The following SYNE1 variants were observed in gnomAD, a reference collection of about 807,000 sequenced individuals.
SYNE1 encodes nesprin-1.
SYNE1 carries 616 observed loss-of-function variants against 1,111.0 expected under a neutral mutation model. That is an observed-to-expected ratio of 0.55 (90% confidence interval 0.52 to 0.59). The LOEUF (loss-of-function observed/expected upper bound fraction) is 0.59. Among genes scored for constraint, SYNE1 ranks in the 20% least tolerant of loss-of-function variants. The pLI, the probability that SYNE1 is intolerant of heterozygous loss-of-function variation, is 0.00. For synonymous variants in SYNE1, 3,855 were observed against 3,825.8 expected, an observed-to-expected ratio of 1.01 and a Z score of -0.28; for missense variants, 10,006 against 10,417.0, an observed-to-expected ratio of 0.96 and a Z score of 1.72.
intron 104 of SYNE1, among the ~76,000 whole-genome samples, chr6:152,253,901 A>G (rs553645175): frequency 7.8e-6 from 1 of 128,840 alleles, no homozygotes; most frequent in South Asian, 2.4e-4. Flanking sequence ...CCCTAATGAC[A>G]TGTCTCTATT....
chr6:152,472,306 G>T lies in SYNE1; in HGVS notation c.1458C>A (p.Ala486=), dbSNP rs373091521. Reference sequence around the variant, plus strand: ...AAATGCAGATATTCTCTTACCTCTCGGCCATGTCCTCTAATTGATCAGGTG... The same window carrying T: ...AAATGCAGATATTCTCTTACCTCTCTGCCATGTCCTCTAATTGATCAGGTG... The part of the protein sequence containing the change: ...PVPPDQLEDM[A]ERFHFVSSTS... The change falls in exon 15 of 146, where the codon GCC becomes GCA. Residue 486 remains alanine, a synonymous_variant. Transcript: ENST00000367255. 1 of 1,611,898 alleles carries T rather than the reference G, an allele frequency of 6.2e-7. No homozygotes were observed. Among genetic ancestry groups the T allele is most frequent in the Admixed American group, 1.7e-5 (1 of 59,982 alleles).
In SYNE1 at chr6:152,321,737, T is replaced by A. The variant is rs772823120; in HGVS notation, c.16067A>T (p.Gln5356Leu). ...TTTTTGTACCTGAAGTTCTTCAAGT[T>A]GAGCATCTATTTCTATTGTTGGATT... ...LGNPTIEIDA[Q>L]LEELQILLTE... Residue 5356 changes from glutamine to leucine, a missense_variant, in exon 83 of 146, where the codon CAA becomes CTA. Physicochemically the swap from Gln to Leu is moderately radical, Grantham distance 113 (BLOSUM62 -2). Transcript: ENST00000367255. 1 of 1,614,094 alleles carries A rather than the reference T, an allele frequency of 6.2e-7. No individual in the cohort carries two copies. The highest frequency in any genetic ancestry group is 8.5e-7 in the Non-Finnish European group (1 of 1,179,974).
chr6:152,172,512 T>C (rs2065462043), intron 130 of SYNE1, among the ~76,000 whole-genome samples: 2 of 152,038 alleles, frequency 1.3e-5, no homozygotes, highest in South Asian at 2.1e-4. Context: ...CACAACAGAG[T>C]GCGCAAGTTG....
intron 77 of SYNE1, among the ~76,000 whole-genome samples, chr6:152,332,131 T>C (rs377034440): frequency 8.5e-5 from 13 of 152,236 alleles, no homozygotes; most frequent in East Asian, 3.9e-4. Context: ...TGTGCCACCA[T>C]GCTCGGCTAA....
chr6:152,239,991 G>A (rs998471924), intron 107 of SYNE1, among the ~76,000 whole-genome samples: 1 of 152,196 alleles, frequency 6.6e-6, no homozygotes, highest in Non-Finnish European at 1.5e-5. Flanking sequence ...CTGGGAGGCC[G>A]AGGTTGCAGT....
At chr6:152,361,452 T>C (rs1324682419) in intron 64 of SYNE1, among the ~76,000 whole-genome samples, 3 of 152,178 alleles carry the variant, frequency 2.0e-5, no homozygotes, top group Non-Finnish European at 4.4e-5. Context: ...GTGAAGAGGA[T>C]GGATCAGTAG....
Position 152,605,019 on chromosome 6 carries a change from AGAGAGAGAGAGAGAGAGGGAGG to A in SYNE1, c.67+23224_67+23245del, listed in dbSNP as rs1468731160. 1.8e-4 allele frequency among the ~76,000 whole-genome samples: 12 copies of A among 67,534 alleles called. 1 individual carries two copies. The highest frequency in any genetic ancestry group is 7.6e-4 in the African/African-American group (11 of 14,402). The allele number at this position is 67,534 out of a possible 152,430, so 44.3% of individuals were successfully genotyped here. On this transcript the variant is annotated intron_variant, in intron 3 of 145. Transcript: ENST00000367255. ...AAGAAAGAAAGAAAGAGAGAGAGAG[AGAGAGAGAGAGAGAGAGGGAGG>A]GAGGGAGGGAGGGAGGGAGGGAGGG... is the stretch of plus-strand genomic sequence containing the variant.
chr6:152,297,211 G>C (rs1329914824), intron 93 of SYNE1, among the ~76,000 whole-genome samples: 1 of 152,012 alleles, frequency 6.6e-6, no homozygotes, highest in African/African-American at 2.4e-5. Context: ...CAGTTGCCTG[G>C]ATGGGCCATT....
At chr6:152,122,830 C>T (rs1015866097) in intron 145 of SYNE1, among the ~76,000 whole-genome samples, 154 bp from the exon 146 acceptor site, 5 of 152,130 alleles carry the variant, frequency 3.3e-5, no homozygotes, top group African/African-American at 9.7e-5. Context: ...GCCCAGGTCA[C>T]CCCCCACCAT....
chr6:152,272,926 C>G (rs1489053508), intron 98 of SYNE1, among the ~76,000 whole-genome samples: 1 of 152,158 alleles, frequency 6.6e-6, no homozygotes, highest in Non-Finnish European at 1.5e-5. Flanking sequence ...GGGACATGAT[C>G]CTTTTCATGG....
At chr6:152,230,935 G>A (rs1010252423) in intron 114 of SYNE1, among the ~76,000 whole-genome samples, 19 of 151,168 alleles carry the variant, frequency 1.3e-4, no homozygotes, top group Non-Finnish European at 2.5e-4. Flanking sequence ...AACAATAGCC[G>A]ACGATCTAAA....
At chr6:152,530,025 T>C (rs944327086) in intron 4 of SYNE1, among the ~76,000 whole-genome samples, 2 of 152,204 alleles carry the variant, frequency 1.3e-5, no homozygotes, top group African/African-American at 4.8e-5. Flanking sequence ...TGATGTTCAC[T>C]ATAAATATAG....
At chr6:152,573,899 A>G (rs941464846) in intron 3 of SYNE1, among the ~76,000 whole-genome samples, 7 of 152,198 alleles carry the variant, frequency 4.6e-5, no homozygotes, top group African/African-American at 1.4e-4. Flanking sequence ...GATACAGCAT[A>G]ATAGCATCAA....
chr6:152,411,994 T>A (rs935142573), intron 42 of SYNE1, among the ~76,000 whole-genome samples: 1 of 152,138 alleles, frequency 6.6e-6, no homozygotes, highest in African/African-American at 2.4e-5. Flanking sequence ...CTTACGTACA[T>A]GCAAAAACTT....
intron 107 of SYNE1, among the ~76,000 whole-genome samples, chr6:152,241,506 G>GTGTGTGTGTGTGTGTGTGTC (rs1554263171): frequency 1.1e-4 from 14 of 121,892 alleles, no homozygotes; most frequent in Non-Finnish European, 2.2e-4. Flanking sequence ...AGAGCTGTGT[G>GTGTGTGTGTGTGTGTGTGTC]TGTGTGTGTG....
chr6:152,227,643 C>T (rs939915547), intron 115 of SYNE1, among the ~76,000 whole-genome samples: 2 of 152,086 alleles, frequency 1.3e-5, no homozygotes, highest in Admixed American at 1.3e-4. Flanking sequence ...AGACCAGAAA[C>T]AATCCTTCCA....
intron 132 of SYNE1, chr6:152,155,282 C>A (rs769670400): frequency 3.6e-4 from 182 of 501,926 alleles, no homozygotes; most frequent in Non-Finnish European, 5.5e-4. Context: ...TTGAATTAGT[C>A]AAATTGAAAA....
chr6:152,380,909 G>C, intron 56 of SYNE1, 97 bp downstream of exon 56: 1 of 1,136,814 alleles, frequency 8.8e-7, no homozygotes, highest in Admixed American at 1.7e-5. Flanking sequence ...TGCATGTTGC[G>C]TGTTTTTAGT....
intron 145 of SYNE1, among the ~76,000 whole-genome samples, chr6:152,130,322 C>T (rs968307492): frequency 3.3e-5 from 5 of 151,998 alleles, no homozygotes; most frequent in East Asian, 1.9e-4. Context: ...TTCAGATATG[C>T]GGGTTTTGTG....
Sources: gnomAD v4.1 joint callset for allele counts (sites outside exome capture counted in the v4.1 genomes callset) on GRCh38, gnomAD v4.1.1 for gene constraint, MANE v1.5 for transcripts, NCBI Gene and HGNC (gene_info 2026-07-23, HGNC 2026-07-21) for gene names.